ADAM20: variants seen among roughly 807,000 people sequenced by gnomAD.
ADAM20 encodes ADAM metallopeptidase domain 20, also known as disintegrin and metalloproteinase domain-containing protein 20.
For missense variants in ADAM20, 871 were observed against 883.2 expected (o/e 0.99, Z 0.18); for synonymous variants, 305 against 310.2 (o/e 0.98, Z 0.18).
intron 1 of ADAM20, among the ~76,000 whole-genome samples, chr14:70,534,024 A>C (rs1311597002): frequency 7.2e-6 from 1 of 138,150 alleles, no homozygotes; most frequent in Non-Finnish European, 1.5e-5. Flanking sequence ...CAGAGGTTGC[A>C]GTGAGCCAAG....
chr14:70,529,178 A>C (rs1015089439), intron 1 of ADAM20, among the ~76,000 whole-genome samples: 19 of 152,190 alleles, frequency 1.2e-4, no homozygotes, highest in Non-Finnish European at 2.4e-4. Flanking sequence ...ACTATAGACC[A>C]TATGGACCTA....
rs1282712971 is a variant in ADAM20, at chr14:70,523,262, A to G, written c.1496T>C (p.Val499Ala). Residue 499 changes from valine (V) to alanine (A), a missense_variant, in exon 2 of 2, where the codon GTG (valine) becomes GCG (alanine). Coordinates refer to ENST00000256389, the MANE Select transcript of ADAM20 (RefSeq NM_003814.5). ...VYVQDGISCNVNAFCYEKTCN... is the reference protein window; with the variant it reads ...VYVQDGISCNANAFCYEKTCN... ...CGTCTTTTCATAGCAGAAGGCATTC[A>G]CATTACAGGAGATCCCGTCCTGCAC... 6.2e-7 allele frequency: 1 copy of G among 1,614,062 alleles called. No individual in the cohort carries two copies. Among genetic ancestry groups the G allele is most frequent in the Non-Finnish European group, 8.5e-7 (1 of 1,179,946 alleles).
intron 1 of ADAM20, among the ~76,000 whole-genome samples, chr14:70,531,751 T>C (rs531360414): frequency 1.3e-5 from 2 of 151,986 alleles, no homozygotes; most frequent in Non-Finnish European, 2.9e-5. Flanking sequence ...CTATTTACAA[T>C]AGCATCAGAA....
At chr14:70,574,444 T>C in the ADAM20 span, among the ~76,000 whole-genome samples, 1 of 151,610 alleles carries the variant, frequency 6.6e-6, no homozygotes, top group Non-Finnish European at 1.5e-5. Context: ...ATTGAGACCA[T>C]CCTGGCTAAC....
chr14:70,530,651 A>C (rs2139538208), intron 1 of ADAM20, among the ~76,000 whole-genome samples: 1 of 152,332 alleles, frequency 6.6e-6, no homozygotes, highest in East Asian at 1.9e-4. Context: ...CTCCATTGTA[A>C]TATGAGACCA....
chr14:70,557,751 ATTT>A, the ADAM20 span, among the ~76,000 whole-genome samples: 61 of 145,484 alleles, frequency 4.2e-4, no homozygotes, highest in East Asian at 5.4e-3. Flanking sequence ...TTCTTAAAAC[ATTT>A]TTTTTTTTTT....
chr14:70,567,357 C>T, the ADAM20 span, among the ~76,000 whole-genome samples: 1 of 152,142 alleles, frequency 6.6e-6, no homozygotes, highest in African/African-American at 2.4e-5. Flanking sequence ...GGAGATCTAA[C>T]CACCAGCATG....
At chr14:70,553,251 T>A in the ADAM20 span, among the ~76,000 whole-genome samples, 1 of 69,064 alleles carries the variant, frequency 1.4e-5, no homozygotes, top group Non-Finnish European at 2.6e-5. Context: ...ATGGCACATG[T>A]ATACATATGT....
chr14:70,564,019 C>T, the ADAM20 span, among the ~76,000 whole-genome samples: 1 of 152,226 alleles, frequency 6.6e-6, no homozygotes, highest in African/African-American at 2.4e-5. Context: ...ATGACTTCTC[C>T]CATGAGTGGG....
At chr14:70,573,576 T>A in the ADAM20 span, among the ~76,000 whole-genome samples, 16 of 152,024 alleles carry the variant, frequency 1.1e-4, no homozygotes, top group African/African-American at 3.9e-4. Context: ...TATAATTTTT[T>A]AAAAAAAGAC....
chr14:70,531,530 A>C (rs1883710820), intron 1 of ADAM20, among the ~76,000 whole-genome samples: 1 of 152,148 alleles, frequency 6.6e-6, no homozygotes, highest in Non-Finnish European at 1.5e-5. Context: ...AAGAAAAAGA[A>C]ATTAAAATGT....
At chr14:70,561,279 G>T in the ADAM20 span, among the ~76,000 whole-genome samples, 1 of 152,318 alleles carries the variant, frequency 6.6e-6, no homozygotes, top group South Asian at 2.1e-4. Flanking sequence ...GTATCTGGTG[G>T]AATAAATTTC....
At chr14:70,532,612 G>T (rs537958802) in intron 1 of ADAM20, among the ~76,000 whole-genome samples, 1 of 152,128 alleles carries the variant, frequency 6.6e-6, no homozygotes. Flanking sequence ...AGTATGTAGG[G>T]TGACCAAGTG....
the ADAM20 span, among the ~76,000 whole-genome samples, chr14:70,574,038 G>C: frequency 1.3e-5 from 2 of 152,282 alleles, no homozygotes; most frequent in South Asian, 2.1e-4. Context: ...ATTATATACA[G>C]AACAGTCTAG....
chr14:70,564,270 T>C, the ADAM20 span, among the ~76,000 whole-genome samples: 8 of 152,214 alleles, frequency 5.3e-5, no homozygotes, highest in African/African-American at 1.7e-4. Context: ...AAAAACAAAC[T>C]GAGCTTTGTC....
At chr14:70,562,086 G>A in the ADAM20 span, among the ~76,000 whole-genome samples, 12 of 152,238 alleles carry the variant, frequency 7.9e-5, no homozygotes, top group Admixed American at 3.9e-4. Flanking sequence ...GGCGCCCAAT[G>A]CCAGCCCACA....
upstream of ADAM20, among the ~76,000 whole-genome samples, chr14:70,537,642 CA>C (rs1400017097): frequency 6.6e-6 from 1 of 152,158 alleles, no homozygotes; most frequent in African/African-American, 2.4e-5. Context: ...ACAACTGGAA[CA>C]AAAACAGACA....
At chr14:70,536,722 C>G (rs543180914), upstream of ADAM20, among the ~76,000 whole-genome samples, 1 of 152,082 alleles carries the variant, frequency 6.6e-6, no homozygotes, top group South Asian at 2.1e-4. Flanking sequence ...AACATTCCAA[C>G]CATAAGATAA....
rs747170225 is a variant in ADAM20 at position 70,523,328 on chromosome 14, C to T, written c.1430G>A (p.Trp477Ter). 1 of 1,613,998 alleles carries T rather than the reference C, an allele frequency of 6.2e-7. No individual in the cohort carries two copies. Among genetic ancestry groups the T allele is most frequent in the Non-Finnish European group, 8.5e-7 (1 of 1,179,930 alleles). ...QQVGECDLPE[W>*]CNGTSHQCPD... ...GCATTGATGGGATGTCCCATTGCAC[C>T]ACTCTGGAAGGTCACATTCACCAAC... Residue 477 changes from tryptophan to a stop codon, truncating the protein, a stop_gained, in exon 2 of 2, where the codon TGG becomes TAG. Transcript: ENST00000256389. LOFTEE classifies it low-confidence loss of function (END_TRUNC).
Sources: gnomAD v4.1 joint callset for allele counts (sites outside exome capture counted in the v4.1 genomes callset) on GRCh38, gnomAD v4.1.1 for gene constraint, MANE v1.5 for transcripts, NCBI Gene and HGNC (gene_info 2026-07-23, HGNC 2026-07-21) for gene names.